The following HIVEP1 variants were observed in gnomAD, a reference collection of about 807,000 sequenced individuals.
The protein encoded by HIVEP1 is HIVEP zinc finger 1, also known as zinc finger protein 40.
A neutral mutation model predicts 180.0 loss-of-function variants in HIVEP1; 36 were observed. That is an observed-to-expected ratio of 0.20 (90% CI 0.15 to 0.26). HIVEP1 has a LOEUF of 0.26. HIVEP1 is among the 10% of genes least tolerant of loss of function. The pLI, the probability that HIVEP1 is intolerant of heterozygous loss-of-function variation, is 1.00. For synonymous variants in HIVEP1, 1,239 were observed against 1,239.0 expected (o/e 1.00, Z 0.00); for missense variants, 3,143 against 3,268.7 (o/e 0.96, Z 0.94).
chr6:12,074,636 G>GTA (rs1772224278), intron 2 of HIVEP1, among the ~76,000 whole-genome samples: 1 of 149,346 alleles, frequency 6.7e-6, no homozygotes, highest in African/African-American at 2.5e-5. Context: ...GTGTGTGTGT[G>GTA]TGTGTGTGCG....
chr6:12,121,980 T>C lies in HIVEP1; in HGVS notation c.2185T>C (p.Leu729=). ...PSALPTGEKA[L]LLPGQMRPPL... ...TGCTTTGCCCACAGGGGAAAAGGCA[T>C]TGCTTTTACCAGGTCAGATGCGCCC... Residue 729 remains leucine (L), a synonymous_variant, in exon 4 of 9, where the codon TTG becomes CTG. Transcript: ENST00000379388. The surrounding 1 kb of genome is among the most constrained non-coding windows in gnomAD (Gnocchi z 5.3). 6.2e-7 allele frequency: 1 copy of C among 1,614,130 alleles called. No individual in the cohort carries two copies. Among genetic ancestry groups the C allele is most frequent in the Non-Finnish European group, 8.5e-7 (1 of 1,180,026 alleles).
At chr6:12,169,657 G>C (rs906968907), downstream of HIVEP1, among the ~76,000 whole-genome samples, 1 of 152,160 alleles carries the variant, frequency 6.6e-6, no homozygotes, top group Non-Finnish European at 1.5e-5. Context: ...AATGATTTGT[G>C]TATACAGGGG....
At chr6:12,012,122 G>A (rs1333422406), upstream of HIVEP1, 1 of 94,598 alleles carries the variant, frequency 1.1e-5, no homozygotes, top group African/African-American at 3.9e-5. Flanking sequence ...CCGCCCCGCC[G>A]CGGCGCGCGC....
intron 4 of HIVEP1, among the ~76,000 whole-genome samples, chr6:12,129,165 G>A (rs1758269751): frequency 1.3e-5 from 2 of 152,136 alleles, no homozygotes; most frequent in Admixed American, 1.3e-4. Flanking sequence ...AGCTATGATT[G>A]TACTACTGCA....
chr6:12,079,950 A>ATCTATCTG (rs1235535719), intron 2 of HIVEP1, among the ~76,000 whole-genome samples: 1 of 151,742 alleles, frequency 6.6e-6, no homozygotes, highest in Non-Finnish European at 1.5e-5. Context: ...CTATCTATCT[A>ATCTATCTG]TCTATCTATC....
intron 7 of HIVEP1, among the ~76,000 whole-genome samples, chr6:12,138,433 AC>A (rs1758818037): frequency 6.6e-6 from 1 of 152,232 alleles, no homozygotes; most frequent in African/African-American, 2.4e-5. Flanking sequence ...GCAATTCTGC[AC>A]ATGTCCCTGT....
chr6:12,087,532 T>A (rs754869402), intron 2 of HIVEP1, among the ~76,000 whole-genome samples: 9 of 152,148 alleles, frequency 5.9e-5, no homozygotes, highest in Non-Finnish European at 1.3e-4. Flanking sequence ...TCCTTTTACA[T>A]GTTTTTCAAG....
At chr6:12,082,746 G>A (rs528909520) in intron 2 of HIVEP1, among the ~76,000 whole-genome samples, 48 of 152,228 alleles carry the variant, frequency 3.2e-4, no homozygotes, top group African/African-American at 1.1e-3. Flanking sequence ...ATTACTGCAT[G>A]CCTAGGAATT....
chr6:12,178,063 G>A, the HIVEP1 span, among the ~76,000 whole-genome samples: 1 of 152,282 alleles, frequency 6.6e-6, no homozygotes, highest in South Asian at 2.1e-4. Flanking sequence ...TTGAGATAGG[G>A]AAAGGCTTGC....
At chr6:12,162,177 A>G (rs1190870164) in intron 8 of HIVEP1, among the ~76,000 whole-genome samples, 1 of 151,430 alleles carries the variant, frequency 6.6e-6, no homozygotes, top group Admixed American at 6.6e-5. Flanking sequence ...TTCTTGAAAA[A>G]TACACCCATT....
At position 12,123,127 on chromosome 6, in the gene HIVEP1, T is replaced by C; in HGVS notation, c.3332T>C (p.Ile1111Thr). 6.2e-7 allele frequency: 1 copy of C among 1,614,084 alleles called. No homozygotes were observed. The change falls in exon 4 of 9, where the codon ATC (isoleucine) becomes ACC (threonine). Residue 1111 changes from isoleucine to threonine, a missense_variant. Coordinates refer to ENST00000379388, the MANE Select transcript of HIVEP1 (RefSeq NM_002114.4). ...EQTMDPKLST[I>T]MEQQISSAAQ... The stretch of plus-strand genomic sequence containing the variant: ...ACCATGGATCCCAAGCTGTCGACCA[T>C]CATGGAACAACAGATAAGTTCAGCA...
At chr6:12,010,607 AT>A (rs113704481), upstream of HIVEP1, among the ~76,000 whole-genome samples, 21,407 of 144,978 alleles carry the variant, frequency 0.15, 1,503 homozygotes, top group African/African-American at 0.19. Context: ...TTCATCAGGG[AT>A]TTTTTTTTTT....
chr6:12,207,742 AAATAAT>A, the HIVEP1 span, among the ~76,000 whole-genome samples: 1 of 138,176 alleles, frequency 7.2e-6, no homozygotes, highest in African/African-American at 2.6e-5. Flanking sequence ...AGTCTCTACA[AAATAAT>A]AATAATAATA....
At chr6:12,050,789 G>C (rs1770460168) in intron 2 of HIVEP1, among the ~76,000 whole-genome samples, 1 of 151,596 alleles carries the variant, frequency 6.6e-6, no homozygotes, top group Non-Finnish European at 1.5e-5. Context: ...TCCTAAGTAG[G>C]CCTTTCCTGC....
chr6:12,189,089 C>T, the HIVEP1 span, among the ~76,000 whole-genome samples: 2 of 152,010 alleles, frequency 1.3e-5, no homozygotes, highest in Non-Finnish European at 2.9e-5. Context: ...AATGATGATT[C>T]ATTTAGTAGA....
chr6:12,110,014 C>T (rs922621793), intron 3 of HIVEP1, among the ~76,000 whole-genome samples: 1 of 152,208 alleles, frequency 6.6e-6, no homozygotes, highest in Non-Finnish European at 1.5e-5. Flanking sequence ...TCCATCAGAG[C>T]TCTTGAATGA....
chr6:12,205,624 G>T, the HIVEP1 span, among the ~76,000 whole-genome samples: 1 of 152,116 alleles, frequency 6.6e-6, no homozygotes, highest in African/African-American at 2.4e-5. Flanking sequence ...CTCAACTTCT[G>T]TGCACCTTCT....
chr6:12,103,563 A>T (rs1774235172), intron 3 of HIVEP1, among the ~76,000 whole-genome samples: 1 of 145,792 alleles, frequency 6.9e-6, no homozygotes, highest in African/African-American at 2.5e-5. Context: ...GAGACTTACT[A>T]TTTTTTTTTT....
chr6:12,161,326 G>T lies in HIVEP1; in HGVS notation c.6488-113G>T, dbSNP rs1431748707. 4 of 998,736 alleles carry T rather than the reference G, an allele frequency of 4.0e-6. No homozygotes were observed. The African/African-American group carries it at 6.5e-5, about 16-fold the overall frequency. 61.9% of individuals were successfully genotyped at this position (998,736 alleles called of 1,614,324 possible). On this transcript the variant is annotated intron_variant, in intron 7 of 8. Coordinates refer to ENST00000379388, the MANE Select transcript of HIVEP1 (RefSeq NM_002114.4). ...AGGGCGGAGGCTCGTTGTGGGCAGGGTCCTTGTCTTTTATAATCCTTGCAG... is the reference window on the plus strand; with the variant it reads ...AGGGCGGAGGCTCGTTGTGGGCAGGTTCCTTGTCTTTTATAATCCTTGCAG...
Sources: allele counts gnomAD v4.1 joint callset (sites outside exome capture counted in the v4.1 genomes callset), GRCh38; gene constraint gnomAD v4.1.1; non-coding constraint Gnocchi (gnomAD v3.1); transcripts MANE v1.5; gene names NCBI Gene and HGNC (gene_info 2026-07-23, HGNC 2026-07-21).